DSCAM: variants seen among roughly 807,000 people sequenced by gnomAD.
The protein encoded by DSCAM is cell adhesion molecule DSCAM.
Under a neutral mutation model 217.7 loss-of-function variants are expected in DSCAM, and 47 were observed. The ratio of observed to expected loss-of-function variants is 0.22; its 90% CI spans 0.17 to 0.28. The LOEUF (loss-of-function observed/expected upper bound fraction) is 0.28. Among genes scored for constraint, DSCAM ranks in the 10% least tolerant of loss-of-function variants. DSCAM has a pLI of 1.00. For missense variants in DSCAM, 2,080 were observed against 2,618.3 expected (o/e 0.79, Z 4.49); for synonymous variants, 1,056 against 1,015.3 (o/e 1.04, Z -0.76).
Position 40,708,764 on chromosome 21 carries a change from A to G in DSCAM, c.51T>C (p.Ser17=), listed in dbSNP as rs2090745246. The G allele has an allele frequency of 6.4e-7, 1 of 1,550,902 alleles. No homozygotes were observed. Among genetic ancestry groups the G allele is most frequent in the South Asian group, 1.2e-5 (1 of 80,314 alleles). ...SLFQSFANVF[S]EDLHSSLYFV... The stretch of plus-strand genomic sequence containing the variant: ...AGTAGAGGCTGGAGTGTAGGTCTTC[A>G]CTGAAAACTGCAAGAAGACAACACA... The change falls in exon 2 of 33, where the codon AGT becomes AGC. Residue 17 remains serine, a synonymous_variant. Coordinates refer to ENST00000400454, the MANE Select transcript of DSCAM (RefSeq NM_001389.5).
chr21:40,312,159 T>C lies in DSCAM; in HGVS notation c.1984A>G (p.Met662Val), dbSNP rs779490538. The change falls in exon 9 of 33, where the codon ATG becomes GTG. Residue 662 changes from methionine to valine, a missense_variant. Physicochemically the swap from Met to Val is conservative, Grantham distance 21. This residue lies in a region of DSCAM where 218 missense variants were observed against 364.1 expected (regional missense o/e 0.60). Coordinates refer to ENST00000400454, the MANE Select transcript of DSCAM (RefSeq NM_001389.5). ...SSLRISNLSL[M>V]HNGNYTCIAR... ...ATGCAGGTGTAATTCCCATTGTGCA[T>C]GAGCGAGAGATTGGAAATCCTCAAG... 1 of 1,614,092 alleles carries C rather than the reference T, an allele frequency of 6.2e-7. No individual in the cohort carries two copies. The highest frequency in any genetic ancestry group is 2.2e-5 in the East Asian group (1 of 44,866).
chr21:40,400,171 G>A (rs1335536991), intron 3 of DSCAM, among the ~76,000 whole-genome samples: 1 of 152,078 alleles, frequency 6.6e-6, no homozygotes, highest in Non-Finnish European at 1.5e-5. Flanking sequence ...CCATAAAGAG[G>A]TTTCATTATG....
chr21:40,471,675 T>C (rs2075889669), intron 3 of DSCAM, among the ~76,000 whole-genome samples: 1 of 152,206 alleles, frequency 6.6e-6, no homozygotes, highest in African/African-American at 2.4e-5. Flanking sequence ...CCAAGTAGCC[T>C]GGTTTCACAC....
chr21:40,066,682 C>T (rs2089212019), intron 27 of DSCAM, among the ~76,000 whole-genome samples: 1 of 152,144 alleles, frequency 6.6e-6, no homozygotes, highest in Admixed American at 6.5e-5. Context: ...CTTTCAAAAT[C>T]TCTTAAAATG....
intron 3 of DSCAM, among the ~76,000 whole-genome samples, chr21:40,529,892 G>A (rs926586030): frequency 3.9e-5 from 6 of 152,112 alleles, no homozygotes; most frequent in Non-Finnish European, 8.8e-5. Context: ...TCAGTTACAG[G>A]AGGCAATAAA....
chr21:40,097,973 AGAAAGAAAG>A (rs2089703097), intron 20 of DSCAM, among the ~76,000 whole-genome samples: 2 of 86,690 alleles, frequency 2.3e-5, no homozygotes, highest in African/African-American at 1.1e-4. Context: ...AAAGAAAGAA[AGAAAGAAAG>A]AAAGAAAGAA....
chr21:40,673,604 T>G (rs1364075683), intron 3 of DSCAM, among the ~76,000 whole-genome samples: 1 of 152,206 alleles, frequency 6.6e-6, no homozygotes, highest in Non-Finnish European at 1.5e-5. Context: ...TGTAGAACTG[T>G]AATCCCTAAT....
intron 3 of DSCAM, among the ~76,000 whole-genome samples, chr21:40,497,711 C>A (rs149048024): frequency 9.3e-4 from 141 of 152,262 alleles, no homozygotes; most frequent in Non-Finnish European, 1.6e-3. Flanking sequence ...AAGAAAACAT[C>A]CTGTTGTACA....
chr21:40,697,147 GT>G (rs1293347011), intron 2 of DSCAM, among the ~76,000 whole-genome samples: 1 of 152,094 alleles, frequency 6.6e-6, no homozygotes, highest in African/African-American at 2.4e-5. Context: ...CCATATGTGA[GT>G]GAAAACATGT....
chr21:40,044,324 C>G (rs771842047), intron 30 of DSCAM, 49 bp from the exon 31 acceptor site: 4 of 1,565,346 alleles, frequency 2.6e-6, no homozygotes, highest in Non-Finnish European at 2.6e-6. Context: ...GGAGTGTGGT[C>G]AGCTGAGAGC....
At chr21:40,298,730 T>C (rs2073983056) in intron 9 of DSCAM, among the ~76,000 whole-genome samples, 1 of 152,186 alleles carries the variant, frequency 6.6e-6, no homozygotes, top group Non-Finnish European at 1.5e-5. Context: ...ATCCACATTC[T>C]GTGCTCCATT....
chr21:40,301,637 G>C (rs947344533), intron 9 of DSCAM, among the ~76,000 whole-genome samples: 9 of 109,612 alleles, frequency 8.2e-5, no homozygotes, highest in African/African-American at 5.7e-4. Context: ...TTAACAGTCT[G>C]TGTCCCATAC....
At chr21:40,840,399 A>G (rs1008891663) in intron 1 of DSCAM, among the ~76,000 whole-genome samples, 2 of 152,154 alleles carry the variant, frequency 1.3e-5, no homozygotes, top group African/African-American at 4.8e-5. Context: ...CGGGGAACCT[A>G]AATGTCGGTT....
rs1013585811 is a variant in DSCAM, at chr21:40,011,188, C to A, written c.*1846G>T. On this transcript the variant is annotated 3_prime_UTR_variant, in exon 33 of 33. Coordinates refer to ENST00000400454, the MANE Select transcript of DSCAM (RefSeq NM_001389.5). ...AGTATGCAAACAGTACACGTCAACA[C>A]GGATTACATTCTGAAACCATGGATG... The A allele has an allele frequency of 3.3e-5, 5 of 152,052 alleles. No homozygotes were observed. Among genetic ancestry groups the A allele is most frequent in the African/African-American group, 9.7e-5 (4 of 41,382 alleles). 9.4% of individuals were successfully genotyped at this position (152,052 alleles called of 1,614,324 possible).
At chr21:40,568,638 A>G (rs1201761761) in intron 3 of DSCAM, among the ~76,000 whole-genome samples, 2 of 152,248 alleles carry the variant, frequency 1.3e-5, no homozygotes, top group African/African-American at 4.8e-5. Flanking sequence ...TTTTTATTAT[A>G]GAATTAATAT....
chr21:40,441,550 A>G (rs1346676488), intron 3 of DSCAM, among the ~76,000 whole-genome samples: 1 of 152,144 alleles, frequency 6.6e-6, no homozygotes, highest in African/African-American at 2.4e-5. Context: ...TTATGAAACC[A>G]TTCACCCTTC....
intron 3 of DSCAM, among the ~76,000 whole-genome samples, chr21:40,489,599 C>T (rs1420860571): frequency 1.3e-5 from 2 of 151,278 alleles, no homozygotes; most frequent in East Asian, 1.9e-4. Context: ...ACGGTGAAAC[C>T]CCGTCTCTAC....
chr21:40,775,777 T>C (rs1321614463), intron 1 of DSCAM, among the ~76,000 whole-genome samples: 2 of 152,180 alleles, frequency 1.3e-5, no homozygotes, highest in Non-Finnish European at 2.9e-5. Context: ...CCTCAATAAA[T>C]GAAGAGATGT....
chr21:40,115,200 G>A (rs1479773186), intron 20 of DSCAM, among the ~76,000 whole-genome samples: 1 of 152,288 alleles, frequency 6.6e-6, no homozygotes, highest in Non-Finnish European at 1.5e-5. Flanking sequence ...TTAAGAAAAT[G>A]TGGCACATAT....
Sources: allele counts gnomAD v4.1 joint callset (sites outside exome capture counted in the v4.1 genomes callset), GRCh38; gene constraint gnomAD v4.1.1; regional missense constraint gnomAD v4.1.1; transcripts MANE v1.5; gene names NCBI Gene and HGNC (gene_info 2026-07-23, HGNC 2026-07-21).